The following PABPC4L variants were observed in gnomAD, a reference collection of about 807,000 sequenced individuals.
PABPC4L encodes poly(A) binding protein cytoplasmic 4 like.
For missense variants in PABPC4L, 452 were observed against 451.4 expected, an observed-to-expected ratio of 1.00 and a Z score of -0.01; for synonymous variants, 169 against 164.1, an observed-to-expected ratio of 1.03 and a Z score of -0.23.
At chr4:134,100,792 A>G in the PABPC4L span, among the ~76,000 whole-genome samples, 1 of 151,602 alleles carries the variant, frequency 6.6e-6, no homozygotes, top group African/African-American at 2.4e-5. Context: ...TTTTTCTCTG[A>G]AAGATATCCC....
chr4:134,179,539 G>T, the PABPC4L span, among the ~76,000 whole-genome samples: 43 of 152,092 alleles, frequency 2.8e-4, 1 homozygote, highest in East Asian at 2.9e-3. Context: ...ACATATCAAT[G>T]GTAACTTTGA....
At chr4:134,175,632 A>G in the PABPC4L span, among the ~76,000 whole-genome samples, 1 of 152,030 alleles carries the variant, frequency 6.6e-6, no homozygotes, top group Non-Finnish European at 1.5e-5. Flanking sequence ...TATTTTTAGT[A>G]GAGATGGGGT....
the PABPC4L span, among the ~76,000 whole-genome samples, chr4:134,025,159 C>T: frequency 1.2e-3 from 183 of 151,038 alleles, no homozygotes; most frequent in Admixed American, 2.6e-3. Flanking sequence ...AGGGAAACCC[C>T]GTCTCTACTA....
the PABPC4L span, among the ~76,000 whole-genome samples, chr4:134,134,276 A>G: frequency 6.6e-6 from 1 of 152,198 alleles, no homozygotes; most frequent in East Asian, 1.9e-4. Context: ...AATAAAAGCT[A>G]CTTTAAATTT....
At chr4:134,100,175 T>A in the PABPC4L span, among the ~76,000 whole-genome samples, 2 of 151,656 alleles carry the variant, frequency 1.3e-5, no homozygotes, top group Admixed American at 6.6e-5. Context: ...TAATGTGGCT[T>A]GAACTCCAAG....
the PABPC4L span, among the ~76,000 whole-genome samples, chr4:134,120,722 T>A: frequency 4.0e-5 from 6 of 151,644 alleles, 1 homozygote; most frequent in Admixed American, 4.0e-4. Flanking sequence ...TCTTTGAAAA[T>A]CATGTGTCTT....
At chr4:133,989,377 C>T in the PABPC4L span, among the ~76,000 whole-genome samples, 3 of 152,112 alleles carry the variant, frequency 2.0e-5, no homozygotes, top group Non-Finnish European at 4.4e-5. Context: ...AAGTAATCTG[C>T]CTCAAGTTCA....
the PABPC4L span, among the ~76,000 whole-genome samples, chr4:134,045,848 T>G: frequency 9.9e-5 from 15 of 152,282 alleles, no homozygotes; most frequent in East Asian, 5.8e-4. Flanking sequence ...GACACATAAT[T>G]TCCTTACTAT....
At chr4:133,959,510 AAAACTAAAAC>A in the PABPC4L span, among the ~76,000 whole-genome samples, 1 of 152,206 alleles carries the variant, frequency 6.6e-6, no homozygotes, top group African/African-American at 2.4e-5. Flanking sequence ...ACCATTTTTG[AAAACTAAAAC>A]AAGAACAATG....
chr4:134,078,963 C>A, the PABPC4L span, among the ~76,000 whole-genome samples: 56 of 139,646 alleles, frequency 4.0e-4, no homozygotes, highest in Non-Finnish European at 9.1e-5. Flanking sequence ...CCACCGTGCC[C>A]GGGCTTTTTT....
the PABPC4L span, among the ~76,000 whole-genome samples, chr4:134,078,840 T>A: frequency 6.6e-6 from 1 of 150,620 alleles, no homozygotes; most frequent in Non-Finnish European, 1.5e-5. Context: ...TTTTTTTTCT[T>A]TTTTTTTAGT....
chr4:134,132,211 A>C, the PABPC4L span, among the ~76,000 whole-genome samples: 1 of 152,078 alleles, frequency 6.6e-6, no homozygotes. Context: ...AAAAATAAAT[A>C]GATGGAATAA....
the PABPC4L span, among the ~76,000 whole-genome samples, chr4:133,971,233 T>TTAG: frequency 6.9e-6 from 1 of 145,008 alleles, no homozygotes; most frequent in Admixed American, 7.2e-5. Context: ...TGCCTCAGCC[T>TTAG]CCGGAGTAGC....
At position 134,198,894 on chromosome 4, in the gene PABPC4L, G is replaced by A. The variant is rs1729751676; in HGVS notation, c.*1013C>T. 1 of 151,906 alleles carries A rather than the reference G, an allele frequency of 6.6e-6. No individual in the cohort carries two copies. The highest frequency in any genetic ancestry group is 2.4e-5 in the African/African-American group (1 of 41,416). 9.4% of individuals were successfully genotyped at this position (151,906 alleles called of 1,614,324 possible). On this transcript the variant is annotated 3_prime_UTR_variant, in exon 2 of 2. Coordinates refer to ENST00000421491, the MANE Select transcript of PABPC4L (RefSeq NM_001114734.2). The stretch of plus-strand genomic sequence containing the variant: ...ATGAAGGCTAAAAGTGAACCTTAAT[G>A]GGTTCCATAGCTGCCACATTCTAAT...
At chr4:134,103,621 A>G in the PABPC4L span, among the ~76,000 whole-genome samples, 1 of 151,698 alleles carries the variant, frequency 6.6e-6, no homozygotes, top group Non-Finnish European at 1.5e-5. Context: ...TCACATTCTG[A>G]TGTACTGGGT....
the PABPC4L span, among the ~76,000 whole-genome samples, chr4:134,145,088 A>T: frequency 1.3e-5 from 2 of 151,740 alleles, no homozygotes; most frequent in Non-Finnish European, 2.9e-5. Flanking sequence ...CCTGAGTGTA[A>T]TTAGTACTTA....
chr4:134,086,525 T>G, the PABPC4L span, among the ~76,000 whole-genome samples: 1 of 151,946 alleles, frequency 6.6e-6, no homozygotes, highest in South Asian at 2.1e-4. Flanking sequence ...TTTTTTTTTA[T>G]CAAAAGAAGT....
chr4:134,185,005 T>C, the PABPC4L span, among the ~76,000 whole-genome samples: 1 of 152,086 alleles, frequency 6.6e-6, no homozygotes, highest in Non-Finnish European at 1.5e-5. Flanking sequence ...GCCTATTTTT[T>C]AAATCAGGTA....
At chr4:133,958,101 A>C in the PABPC4L span, among the ~76,000 whole-genome samples, 4 of 152,312 alleles carry the variant, frequency 2.6e-5, no homozygotes, top group Admixed American at 6.5e-5. Context: ...CTCAGAAAAT[A>C]AGTTTTCCTT....
Sources: allele counts gnomAD v4.1 joint callset (sites outside exome capture counted in the v4.1 genomes callset), GRCh38; gene constraint gnomAD v4.1.1; transcripts MANE v1.5; gene names NCBI Gene and HGNC (gene_info 2026-07-23, HGNC 2026-07-21).